Variants in MACROD2 observed in about 807,000 individuals in gnomAD.
MACROD2 encodes the protein ADP-ribose glycohydrolase MACROD2.
Under a neutral mutation model 70.4 loss-of-function variants are expected in MACROD2, and 36 were observed. The ratio of observed to expected loss-of-function variants is 0.51; its 90% CI spans 0.39 to 0.68. The LOEUF is 0.68. Ranked by LOEUF, MACROD2 falls within the 30% of genes least tolerant of loss-of-function variation. The pLI is 0.00. For missense variants in MACROD2, 496 were observed against 538.4 expected, an observed-to-expected ratio of 0.92 and a Z score of 0.78; for synonymous variants, 172 against 178.8, an observed-to-expected ratio of 0.96 and a Z score of 0.30.
At chr20:15,098,521 G>T (rs1031610201) in intron 5 of MACROD2, among the ~76,000 whole-genome samples, 38 of 152,298 alleles carry the variant, frequency 2.5e-4, no homozygotes, top group African/African-American at 8.4e-4. Flanking sequence ...TAATGCCTTT[G>T]TTGGACATTT....
rs204646 is a variant in MACROD2 at position 14,370,771 on chromosome 20, A to C, written c.272-122708A>C. On this transcript the variant is annotated intron_variant, in intron 3 of 17. Transcript: ENST00000684519. ...ATTTAATTTCCTTTTAAGGGAGATA[A>C]AAACCACAGTTTCTTTTTCAGAAAA... is the stretch of plus-strand genomic sequence containing the variant. Among the ~76,000 whole-genome samples the C allele has an allele frequency of 9.2e-3, 1,402 of 152,296 alleles. 20 individuals carry two copies. The highest frequency in any genetic ancestry group is 0.032 in the African/African-American group (1,333 of 41,556).
chr20:15,867,846 A>G (rs1014329907), intron 9 of MACROD2, among the ~76,000 whole-genome samples: 2 of 151,742 alleles, frequency 1.3e-5, no homozygotes, highest in African/African-American at 2.4e-5. Flanking sequence ...ACCCTCCTTC[A>G]CTCCTCCCTT....
chr20:15,242,715 T>A (rs2077070423), intron 6 of MACROD2, among the ~76,000 whole-genome samples: 1 of 152,202 alleles, frequency 6.6e-6, no homozygotes, highest in African/African-American at 2.4e-5. Context: ...AGTATATTTT[T>A]AAAAATGTAA....
chr20:15,943,339 G>C (rs6080041), intron 12 of MACROD2, among the ~76,000 whole-genome samples: 2,688 of 152,128 alleles, frequency 0.018, 47 homozygotes, highest in Non-Finnish European at 0.026. Flanking sequence ...AATTCCTCTC[G>C]AGACTCTCCA....
At chr20:14,425,052 A>T (rs544537887) in intron 3 of MACROD2, among the ~76,000 whole-genome samples, 18 of 152,132 alleles carry the variant, frequency 1.2e-4, no homozygotes, top group African/African-American at 4.3e-4. Context: ...GATTCACACA[A>T]CTCTTTGACA....
intron 4 of MACROD2, among the ~76,000 whole-genome samples, chr20:14,504,651 T>C (rs917933914): frequency 5.9e-5 from 9 of 152,226 alleles, no homozygotes; most frequent in African/African-American, 1.9e-4. Flanking sequence ...TTCCTGGGAA[T>C]AGAAGAATCA....
intron 3 of MACROD2, among the ~76,000 whole-genome samples, chr20:14,304,109 C>T (rs183221844): frequency 8.5e-4 from 129 of 152,236 alleles, no homozygotes; most frequent in Admixed American, 6.0e-3. Flanking sequence ...TTACTACTTA[C>T]GAATGCAAAC....
intron 5 of MACROD2, among the ~76,000 whole-genome samples, chr20:14,765,378 A>AT (rs5840632): frequency 4.0e-5 from 6 of 150,736 alleles, no homozygotes; most frequent in Non-Finnish European, 5.9e-5. Context: ...TATTCCTGCC[A>AT]TTTTTTTTTT....
intron 5 of MACROD2, among the ~76,000 whole-genome samples, chr20:14,691,554 C>G (rs2071064705): frequency 6.6e-6 from 1 of 152,194 alleles, no homozygotes; most frequent in Non-Finnish European, 1.5e-5. Flanking sequence ...TATTAGGAAG[C>G]AAATCTTTGT....
At chr20:14,134,720 G>C (rs542259746) in intron 3 of MACROD2, among the ~76,000 whole-genome samples, 2 of 142,822 alleles carry the variant, frequency 1.4e-5, no homozygotes, top group Non-Finnish European at 3.0e-5. Context: ...CAGGAGAATC[G>C]CTTGAACCAG....
chr20:15,965,836 G>A (rs926773629), intron 12 of MACROD2, among the ~76,000 whole-genome samples: 1 of 152,064 alleles, frequency 6.6e-6, no homozygotes, highest in African/African-American at 2.4e-5. Context: ...GCTCAGTTTT[G>A]CTTCCAAATT....
intron 3 of MACROD2, among the ~76,000 whole-genome samples, chr20:14,277,615 G>A (rs1035228906): frequency 6.6e-6 from 1 of 152,150 alleles, no homozygotes; most frequent in Non-Finnish European, 1.5e-5. Flanking sequence ...AAAGAAAAGG[G>A]TGGTGGAGAC....
At chr20:14,639,185 G>A (rs1251805585) in intron 4 of MACROD2, among the ~76,000 whole-genome samples, 1 of 152,104 alleles carries the variant, frequency 6.6e-6, no homozygotes, top group Non-Finnish European at 1.5e-5. Context: ...ATTTATAAGT[G>A]TAAGCTGTTT....
At chr20:15,705,969 T>C (rs1009629636) in intron 8 of MACROD2, among the ~76,000 whole-genome samples, 1 of 152,222 alleles carries the variant, frequency 6.6e-6, no homozygotes, top group Non-Finnish European at 1.5e-5. Flanking sequence ...TTTGCCAAAT[T>C]ATCCAAGTCA....
intron 4 of MACROD2, among the ~76,000 whole-genome samples, chr20:14,658,977 C>T (rs1359580243): frequency 6.6e-6 from 1 of 152,114 alleles, no homozygotes; most frequent in Non-Finnish European, 1.5e-5. Flanking sequence ...ATCAGAATCA[C>T]CTGCAGGGCT....
At chr20:14,045,791 G>A (rs747359155) in intron 2 of MACROD2, among the ~76,000 whole-genome samples, 27 of 152,252 alleles carry the variant, frequency 1.8e-4, no homozygotes, top group Middle Eastern at 3.4e-3. Flanking sequence ...TTAAAAACAT[G>A]AGCAGGGAGC....
intron 3 of MACROD2, among the ~76,000 whole-genome samples, chr20:14,390,534 A>G (rs1025261360): frequency 2.6e-5 from 4 of 152,244 alleles, no homozygotes; most frequent in African/African-American, 9.6e-5. Context: ...TGGTACTGGC[A>G]CAAAAACAGA....
intron 3 of MACROD2, among the ~76,000 whole-genome samples, chr20:14,443,550 G>A (rs1422148917): frequency 6.6e-6 from 1 of 152,064 alleles, no homozygotes; most frequent in East Asian, 1.9e-4. Context: ...GCCCGCCTCG[G>A]CCTCCCAAAG....
chr20:16,034,753 A>G lies in MACROD2; in HGVS notation c.1154-6448A>G, dbSNP rs148574561. Among the ~76,000 whole-genome samples, 1,175 of 151,806 alleles carry G rather than the reference A, an allele frequency of 7.7e-3. 20 individuals are homozygous for G. The highest frequency in any genetic ancestry group is 0.043 in the East Asian group (224 of 5,152). ...GTGGTGATTTGTGAGATCCTGGTGC[A>G]CCCATCACCTGAGCAGTATATACTG... On this transcript the variant is annotated intron_variant, in intron 15 of 17. Coordinates refer to ENST00000684519, the MANE Select transcript of MACROD2 (RefSeq NM_001351661.2).
Sources: allele counts gnomAD v4.1 joint callset (sites outside exome capture counted in the v4.1 genomes callset), GRCh38; gene constraint gnomAD v4.1.1; transcripts MANE v1.5; gene names NCBI Gene and HGNC (gene_info 2026-07-23, HGNC 2026-07-21).